MMP16: variants seen among roughly 807,000 people sequenced by gnomAD.
MMP16 encodes the protein matrix metalloproteinase-16.
In MMP16, 12 loss-of-function variants were observed where a neutral mutation model predicts 67.8. The ratio of observed to expected loss-of-function variants is 0.18; its 90% CI spans 0.11 to 0.29. The LOEUF is 0.29. MMP16 is among the 10% of genes least tolerant of loss of function. MMP16 has a pLI of 1.00. For synonymous variants in MMP16, 249 were observed against 255.9 expected, an observed-to-expected ratio of 0.97 and a Z score of 0.26; for missense variants, 475 against 765.7, an observed-to-expected ratio of 0.62 and a Z score of 4.48.
At chr8:88,076,871 C>A (rs962424295) in intron 6 of MMP16, among the ~76,000 whole-genome samples, 1 of 152,056 alleles carries the variant, frequency 6.6e-6, no homozygotes, top group Non-Finnish European at 1.5e-5. Context: ...GCTCTCCAAG[C>A]TGAAGAATGG....
intron 7 of MMP16, among the ~76,000 whole-genome samples, chr8:88,060,227 T>C (rs1225375666): frequency 6.6e-6 from 1 of 152,160 alleles, no homozygotes; most frequent in African/African-American, 2.4e-5. Flanking sequence ...CCCAAGCCTG[T>C]TGGCCAGAAT....
intron 1 of MMP16, among the ~76,000 whole-genome samples, chr8:88,222,939 C>A (rs1809709235): frequency 6.6e-6 from 1 of 152,170 alleles, no homozygotes; most frequent in Non-Finnish European, 1.5e-5. Flanking sequence ...TTTTTGCAAT[C>A]CACCCATCTG....
chr8:88,253,387 T>C (rs1269060957), intron 1 of MMP16, among the ~76,000 whole-genome samples: 2 of 152,050 alleles, frequency 1.3e-5, no homozygotes, highest in African/African-American at 4.8e-5. Flanking sequence ...TAGGGAAATT[T>C]GAAAAACAGT....
intron 2 of MMP16, among the ~76,000 whole-genome samples, chr8:88,186,833 T>C (rs1355658694): frequency 6.6e-6 from 1 of 152,182 alleles, no homozygotes; most frequent in Non-Finnish European, 1.5e-5. Context: ...TCAGATCCTT[T>C]AGATAATTTT....
chr8:88,327,298 T>G lies in MMP16; in HGVS notation c.-92A>C. 6.4e-7 allele frequency: 1 copy of G among 1,555,426 alleles called. No homozygotes were observed. Among genetic ancestry groups the G allele is most frequent in the Non-Finnish European group, 8.8e-7 (1 of 1,139,672 alleles). On this transcript the variant is annotated 5_prime_UTR_variant, in exon 1 of 10. Transcript: ENST00000286614. ...TCCCTCGTTTCCTTTCAAAAAAAAG[T>G]CCTCCGGGTGGGTAAGGAGCCTGCA... is the stretch of plus-strand genomic sequence containing the variant.
At chr8:88,228,663 A>G (rs527758442) in intron 1 of MMP16, among the ~76,000 whole-genome samples, 9 of 152,210 alleles carry the variant, frequency 5.9e-5, no homozygotes, top group African/African-American at 1.9e-4. Flanking sequence ...AAAACCAAAA[A>G]TATGTGCAAA....
At chr8:88,245,893 C>A (rs1810106431) in intron 1 of MMP16, among the ~76,000 whole-genome samples, 1 of 152,118 alleles carries the variant, frequency 6.6e-6, no homozygotes, top group African/African-American at 2.4e-5. Flanking sequence ...ATTAAGCCTT[C>A]TAGGGCTTTA....
chr8:88,145,545 C>A (rs890828785), intron 4 of MMP16, among the ~76,000 whole-genome samples: 9 of 151,786 alleles, frequency 5.9e-5, no homozygotes, highest in Non-Finnish European at 1.0e-4. Context: ...TCATACTGAA[C>A]CCTCATATTT....
At chr8:88,159,981 A>T (rs1288308178) in intron 4 of MMP16, among the ~76,000 whole-genome samples, 1 of 149,774 alleles carries the variant, frequency 6.7e-6, no homozygotes, top group African/African-American at 2.5e-5. Flanking sequence ...TTATTTTATT[A>T]TTATTACACT....
rs1453741230 is a variant in MMP16 at position 88,037,170 on chromosome 8, C to A, written c.*4291G>T. The A allele has an allele frequency of 6.6e-6, 1 of 150,416 alleles. No individual in the cohort carries two copies. Among genetic ancestry groups the A allele is most frequent in the African/African-American group, 2.4e-5 (1 of 40,952 alleles). 9.3% of individuals were successfully genotyped at this position (150,416 alleles called of 1,614,324 possible). On this transcript the variant is annotated 3_prime_UTR_variant, in exon 10 of 10. Transcript: ENST00000286614. ...GAACTTGCAAATATGACTACCCCTACAATCCAGTTTACACACCATCATCTA... is the reference window on the plus strand; with the variant it reads ...GAACTTGCAAATATGACTACCCCTAAAATCCAGTTTACACACCATCATCTA...
In MMP16 at chr8:88,316,244, G is replaced by C. The variant is rs148345785; in HGVS notation, c.132+10831C>G. 6.2e-3 allele frequency among the ~76,000 whole-genome samples: 950 copies of C among 152,288 alleles called. 6 individuals carry two copies. Among genetic ancestry groups the C allele is most frequent in the African/African-American group, 0.022 (902 of 41,566 alleles). On this transcript the variant is annotated intron_variant, in intron 1 of 9. Coordinates refer to ENST00000286614, the MANE Select transcript of MMP16 (RefSeq NM_005941.5). The stretch of plus-strand genomic sequence containing the variant: ...GATCTAGCTAAAATAATCGATGTAG[G>C]TGGGTACCGTAAACAAAAGATTTCA...
chr8:88,105,724 TAA>T (rs1809225975), intron 6 of MMP16, among the ~76,000 whole-genome samples: 1 of 151,318 alleles, frequency 6.6e-6, no homozygotes, highest in Non-Finnish European at 1.5e-5. Context: ...CTAGAATATG[TAA>T]AAGTGTTTCT....
At chr8:88,211,366 G>A (rs1809510316) in intron 1 of MMP16, among the ~76,000 whole-genome samples, 1 of 152,044 alleles carries the variant, frequency 6.6e-6, no homozygotes, top group South Asian at 2.1e-4. Flanking sequence ...TTAATTTTTG[G>A]TGCATACAGA....
chr8:88,314,606 CT>C (rs1442304188), intron 1 of MMP16, among the ~76,000 whole-genome samples: 1 of 152,128 alleles, frequency 6.6e-6, no homozygotes, highest in African/African-American at 2.4e-5. Context: ...TTTTTCATAA[CT>C]GAGGCAAGAC....
At chr8:88,326,801 T>G (rs1811546178) in intron 1 of MMP16, 1 of 353,548 alleles carries the variant, frequency 2.8e-6, no homozygotes, top group African/African-American at 2.1e-5. Flanking sequence ...TATGTAGGAC[T>G]TCTCTTCCCT....
At chr8:88,261,507 T>G (rs964252178) in intron 1 of MMP16, among the ~76,000 whole-genome samples, 1 of 152,022 alleles carries the variant, frequency 6.6e-6, no homozygotes, top group African/African-American at 2.4e-5. Flanking sequence ...TACTTAATAG[T>G]ATAATCGATG....
chr8:88,057,968 C>CA (rs905680788), intron 7 of MMP16, among the ~76,000 whole-genome samples: 3 of 151,436 alleles, frequency 2.0e-5, no homozygotes, highest in Non-Finnish European at 4.4e-5. Flanking sequence ...GGCTTGAAAA[C>CA]AAAAAACAGA....
intron 4 of MMP16, among the ~76,000 whole-genome samples, chr8:88,149,009 G>A (rs902606019): frequency 1.3e-4 from 20 of 152,318 alleles, no homozygotes; most frequent in South Asian, 8.3e-4. Flanking sequence ...TGCGCGCACC[G>A]GGCGCGAGCC....
intron 1 of MMP16, among the ~76,000 whole-genome samples, chr8:88,274,760 T>G (rs1296553890): frequency 6.6e-6 from 1 of 152,030 alleles, no homozygotes; most frequent in East Asian, 1.9e-4. Flanking sequence ...ATATTTGTTA[T>G]AACTCAAGGT....
Sources: gnomAD v4.1 joint callset for allele counts (sites outside exome capture counted in the v4.1 genomes callset) on GRCh38, gnomAD v4.1.1 for gene constraint, MANE v1.5 for transcripts, NCBI Gene and HGNC (gene_info 2026-07-23, HGNC 2026-07-21) for gene names.